The following SAXO1 variants were observed in gnomAD, a reference collection of about 807,000 sequenced individuals.
SAXO1 encodes the protein 4930500O09Rik.
In SAXO1, 21 loss-of-function variants were observed where a neutral mutation model predicts 17.5. The observed-to-expected ratio is 1.20, with a 90% CI of 0.85 to 1.72. SAXO1 has a LOEUF of 1.72. Ranked by LOEUF, SAXO1 falls within the 40% of genes most tolerant of loss-of-function variation. The probability of loss-of-function intolerance (pLI) is 0.00; values close to 1 mark genes in which losing one functional copy is unlikely to be tolerated. For synonymous variants in SAXO1, 274 were observed against 216.5 expected, an observed-to-expected ratio of 1.27 and a Z score of -2.33; for missense variants, 843 against 596.0, an observed-to-expected ratio of 1.41 and a Z score of -4.32.
At chr9:19,015,223 T>C (rs1204428304) in intron 1 of SAXO1, among the ~76,000 whole-genome samples, 2 of 152,226 alleles carry the variant, frequency 1.3e-5, no homozygotes, top group African/African-American at 4.8e-5. Flanking sequence ...CGGAGTACAA[T>C]GGCATGATCA....
Position 18,980,140 on chromosome 9 carries a change from T to G in SAXO1, c.39-29203A>C, listed in dbSNP as rs1588473194. Among the ~76,000 whole-genome samples, 9 of 152,302 alleles carry G rather than the reference T, an allele frequency of 5.9e-5. 2 individuals carry two copies. The highest frequency in any genetic ancestry group is 5.9e-4 in the Admixed American group (9 of 15,298). The stretch of plus-strand genomic sequence containing the variant: ...ATTCTTCATGATTAACAAATTAGAA[T>G]AATTAAAAAGCTTAATTTAGGCAGA... On this transcript the variant is annotated intron_variant, in intron 1 of 3. Transcript: ENST00000380534.
At chr9:19,046,082 C>CA (rs57919139) in intron 1 of SAXO1, among the ~76,000 whole-genome samples, 1,097 of 55,072 alleles carry the variant, frequency 0.02, 54 homozygotes, top group African/African-American at 0.053. Flanking sequence ...AACTCCGTCT[C>CA]AAAAAAAAAA....
chr9:19,043,157 G>A (rs1203584986), intron 1 of SAXO1, among the ~76,000 whole-genome samples: 1 of 151,930 alleles, frequency 6.6e-6, no homozygotes, highest in Non-Finnish European at 1.5e-5. Context: ...GAGCAACAGA[G>A]CAAAACCCTG....
rs1222215635 is a variant in SAXO1, at chr9:18,963,159, T to A, written c.39-12222A>T. Among the ~76,000 whole-genome samples, 3 of 152,218 alleles carry A rather than the reference T, an allele frequency of 2.0e-5. No homozygotes were observed. The East Asian group carries it at 5.8e-4, about 29-fold the overall frequency. Reference sequence around the variant, plus strand: ...CTCTGTTCTTTTCCATTTGTCTACATATCTGTTTTGGTACGAGTACCATGC... The same window carrying A: ...CTCTGTTCTTTTCCATTTGTCTACAAATCTGTTTTGGTACGAGTACCATGC... On this transcript the variant is annotated intron_variant, in intron 1 of 3. Transcript: ENST00000380534.
chr9:19,034,595 A>G (rs1192412736), upstream of SAXO1, among the ~76,000 whole-genome samples: 3 of 152,328 alleles, frequency 2.0e-5, no homozygotes, highest in Middle Eastern at 6.8e-3. Flanking sequence ...CCCCAGTTAT[A>G]GGAAGTCAGC....
intron 1 of SAXO1, among the ~76,000 whole-genome samples, chr9:19,007,258 A>C (rs1214531101): frequency 6.6e-6 from 1 of 151,928 alleles, no homozygotes; most frequent in Non-Finnish European, 1.5e-5. Flanking sequence ...GAGGCAGGAA[A>C]ATCGCTTGAA....
chr9:18,930,687 C>T (rs942773175), intron 3 of SAXO1, among the ~76,000 whole-genome samples: 2 of 152,090 alleles, frequency 1.3e-5, no homozygotes, highest in Non-Finnish European at 2.9e-5. Context: ...TTAGTAGAGA[C>T]GGTGTTTCTC....
At chr9:18,949,632 G>T (rs939115161) in intron 2 of SAXO1, among the ~76,000 whole-genome samples, 2 of 151,818 alleles carry the variant, frequency 1.3e-5, no homozygotes, top group Non-Finnish European at 2.9e-5. Context: ...ACTTCCCGTG[G>T]ATCTAGAAGA....
At chr9:19,003,383 G>GA (rs1208640271) in intron 1 of SAXO1, among the ~76,000 whole-genome samples, 1 of 152,056 alleles carries the variant, frequency 6.6e-6, no homozygotes, top group Non-Finnish European at 1.5e-5. Context: ...CACAGAATTG[G>GA]AAAAAACTAC....
chr9:18,968,311 C>T (rs2131783947), intron 1 of SAXO1, among the ~76,000 whole-genome samples: 1 of 152,260 alleles, frequency 6.6e-6, no homozygotes, highest in Middle Eastern at 3.4e-3. Flanking sequence ...TCCCAAAGCA[C>T]TGGGATTACA....
intron 2 of SAXO1, among the ~76,000 whole-genome samples, chr9:18,942,939 C>T (rs954692306): frequency 4.6e-5 from 7 of 152,228 alleles, no homozygotes; most frequent in Non-Finnish European, 1.0e-4. Context: ...ATGGTGCTTG[C>T]CAGAACATCC....
intron 1 of SAXO1, among the ~76,000 whole-genome samples, chr9:19,046,758 T>C (rs1836227502): frequency 6.6e-6 from 1 of 151,774 alleles, no homozygotes; most frequent in Non-Finnish European, 1.5e-5. Context: ...CCTAGCTACT[T>C]GGGAGGCTGG....
intron 1 of SAXO1, 54 bp downstream of exon 1, chr9:19,032,817 G>A (rs548635675): frequency 5.7e-6 from 9 of 1,589,168 alleles, no homozygotes; most frequent in Middle Eastern, 1.7e-4. Context: ...TCCCTTCCTC[G>A]GGAGTCTGAA....
In SAXO1 at chr9:18,928,769, G is replaced by T. The variant is rs1159156599; in HGVS notation, c.708C>A (p.Ser236Arg). ...GGTAGGATTGTTTTTGAGTGGTAAGGCTTTCAAAGGGGATTTCACAGGGCC... is the reference window on the plus strand; with the variant it reads ...GGTAGGATTGTTTTTGAGTGGTAAGTCTTTCAAAGGGGATTTCACAGGGCC... ...KFRPCEIPFE[S>R]LTTQKQSYRG... The change falls in exon 4 of 4, where the codon AGC becomes AGA. Residue 236 changes from serine (S) to arginine (R), a missense_variant. Ser to Arg is a moderately radical substitution (Grantham distance 110, BLOSUM62 -1). Transcript: ENST00000380534. The T allele has an allele frequency of 2.5e-6, 4 of 1,614,142 alleles. No individual in the cohort carries two copies. The highest frequency in any genetic ancestry group is 1.1e-5 in the South Asian group (1 of 91,082).
intron 1 of SAXO1, among the ~76,000 whole-genome samples, chr9:18,962,742 T>C (rs1192746080): frequency 6.6e-6 from 1 of 151,994 alleles, no homozygotes; most frequent in Non-Finnish European, 1.5e-5. Flanking sequence ...ATTTTCTCCC[T>C]TTCAGTAGGT....
At chr9:18,993,104 C>A (rs1259679404) in intron 1 of SAXO1, among the ~76,000 whole-genome samples, 1 of 150,782 alleles carries the variant, frequency 6.6e-6, no homozygotes, top group Non-Finnish European at 1.5e-5. Context: ...CCAGCCAGAA[C>A]AATTTTTTTT....
intron 1 of SAXO1, among the ~76,000 whole-genome samples, chr9:18,989,914 G>A (rs1833746921): frequency 6.6e-6 from 1 of 152,196 alleles, no homozygotes; most frequent in Non-Finnish European, 1.5e-5. Flanking sequence ...CAAGGGAGAT[G>A]AGAGAAAAGG....
At position 18,927,901 on chromosome 9, in the gene SAXO1, T is replaced by C; in HGVS notation, c.*151A>G. 1 of 789,782 alleles carries C rather than the reference T, an allele frequency of 1.3e-6. No homozygotes were observed. The highest frequency in any genetic ancestry group is 3.0e-5 in the Admixed American group (1 of 33,534). 48.9% of individuals were successfully genotyped at this position (789,782 alleles called of 1,614,324 possible). ...ATGTCATTTTCCCTGAGTCAAGTGATTCTCATTTTATTCAAGTGCTCTGGA... is the reference window on the plus strand; with the variant it reads ...ATGTCATTTTCCCTGAGTCAAGTGACTCTCATTTTATTCAAGTGCTCTGGA... On this transcript the variant is annotated 3_prime_UTR_variant, in exon 4 of 4. Coordinates refer to ENST00000380534, the MANE Select transcript of SAXO1 (RefSeq NM_153707.4).
At chr9:19,041,580 A>T (rs972787415) in intron 1 of SAXO1, among the ~76,000 whole-genome samples, 3 of 152,226 alleles carry the variant, frequency 2.0e-5, no homozygotes, top group African/African-American at 7.2e-5. Flanking sequence ...ACAGCATGGT[A>T]CTAGCATAAA....
Sources: gnomAD v4.1 joint callset for allele counts (sites outside exome capture counted in the v4.1 genomes callset) on GRCh38, gnomAD v4.1.1 for gene constraint, MANE v1.5 for transcripts, NCBI Gene and HGNC (gene_info 2026-07-23, HGNC 2026-07-21) for gene names.